NEFH: variants seen among roughly 807,000 people sequenced by gnomAD.
NEFH encodes the protein neurofilament heavy chain, also known as neurofilament heavy polypeptide.
In NEFH, 58 loss-of-function variants were observed where a neutral mutation model predicts 56.6. The ratio of observed to expected loss-of-function variants is 1.03; its 90% CI spans 0.83 to 1.28. The LOEUF (loss-of-function observed/expected upper bound fraction) is 1.28. NEFH is among the 50% of genes most tolerant of loss of function. The probability of loss-of-function intolerance (pLI) is 0.00; values close to 1 mark genes in which losing one functional copy is unlikely to be tolerated. For synonymous variants in NEFH, 542 were observed against 545.8 expected (o/e 0.99, Z 0.10); for missense variants, 1,221 against 1,307.6 (o/e 0.93, Z 1.02).
Position 29,489,031 on chromosome 22 carries a change from C to G in NEFH, c.1391C>G (p.Thr464Ser), listed in dbSNP as rs1284654807. 3 of 1,613,994 alleles carry G rather than the reference C, an allele frequency of 1.9e-6. No individual in the cohort carries two copies. The highest frequency in any genetic ancestry group is 2.5e-6 in the Non-Finnish European group (3 of 1,179,990). Residue 464 changes from threonine to serine, a missense_variant, in exon 4 of 4, where the codon ACC (threonine) becomes AGC (serine). By Grantham distance (58) the Thr-to-Ser change is moderately conservative. Coordinates refer to ENST00000310624, the MANE Select transcript of NEFH (RefSeq NM_021076.4). ...ATTGTGGAGGAACAGACAGAGGAGA[C>G]CCAAGTGACTGAAGAAGTGACTGAA... ...TVIVEEQTEE[T>S]QVTEEVTEEE...
At position 29,489,364 on chromosome 22, in the gene NEFH, C is replaced by T. The variant is rs2063063374; in HGVS notation, c.1724C>T (p.Pro575Leu). Residue 575 changes from proline to leucine, a missense_variant, in exon 4 of 4, where the codon CCA (proline) becomes CTA (leucine). Pro to Leu is a moderately conservative substitution (Grantham distance 98, BLOSUM62 -3). This residue lies in a region of NEFH where 243 missense variants were observed against 299.1 expected (regional missense o/e 0.81). Transcript: ENST00000310624. ...CCAGAGAAGGAGGAAGCAAAATCTC[C>T]AGCTGAGGTCAAGTCCCCCGAGAAG... ...KSPEKEEAKS[P>L]AEVKSPEKAK... is the part of the protein sequence containing the mutation. The T allele has an allele frequency of 6.2e-7, 1 of 1,610,834 alleles. No individual in the cohort carries two copies. The highest frequency in any genetic ancestry group is 1.4e-5 in the African/African-American group (1 of 73,962).
At chr22:29,485,035 T>C (rs952844057) in intron 2 of NEFH, among the ~76,000 whole-genome samples, 8 of 152,096 alleles carry the variant, frequency 5.3e-5, no homozygotes, top group African/African-American at 1.9e-4. Context: ...GAGGTCTCAC[T>C]GTGTTGCCCA....
intron 2 of NEFH, among the ~76,000 whole-genome samples, chr22:29,483,826 CT>C (rs2063027757): frequency 1.1e-5 from 1 of 94,544 alleles, no homozygotes; most frequent in Non-Finnish European, 2.0e-5. Context: ...AAGAGATAGA[CT>C]TTTATTTATT....
At chr22:29,484,178 T>C (rs778934270) in intron 2 of NEFH, among the ~76,000 whole-genome samples, 18 of 152,260 alleles carry the variant, frequency 1.2e-4, no homozygotes, top group Non-Finnish European at 2.2e-4. Context: ...ATGAGATTAG[T>C]GTGAACTTGT....
rs751816018 is a variant in NEFH, at chr22:29,489,213, A to G, written c.1573A>G (p.Lys525Glu). ...CAAGTCACCAGTAAAGGAAGAGGCA[A>G]AGTCACCGGCTGAGGCCAAGTCCCC... ...EAKSPVKEEA[K>E]SPAEAKSPEK... is the part of the protein sequence containing the mutation. The change falls in exon 4 of 4, where the codon AAG becomes GAG. Residue 525 changes from lysine to glutamate, a missense_variant. This residue lies in a region of NEFH where 243 missense variants were observed against 299.1 expected (regional missense o/e 0.81). Coordinates refer to ENST00000310624, the MANE Select transcript of NEFH (RefSeq NM_021076.4). The G allele has an allele frequency of 6.2e-7, 1 of 1,614,186 alleles. No homozygotes were observed. The highest frequency in any genetic ancestry group is 8.5e-7 in the Non-Finnish European group (1 of 1,180,016).
intron 2 of NEFH, 136 bp downstream of exon 2, chr22:29,483,710 G>A: frequency 1.4e-6 from 1 of 722,878 alleles, no homozygotes. Flanking sequence ...GCACTTTCCA[G>A]CTGTGTGACC....
At chr22:29,481,187 C>T in intron 1 of NEFH, 42 bp downstream of exon 1, 1 of 1,524,342 alleles carries the variant, frequency 6.6e-7, no homozygotes, top group Admixed American at 2.0e-5. Flanking sequence ...CCCCTGCTGA[C>T]CCCGCAGCGA....
At chr22:29,483,603 C>G (rs1357430644) in intron 2 of NEFH, 29 bp downstream of exon 2, 7 of 1,608,534 alleles carry the variant, frequency 4.4e-6, no homozygotes, top group Non-Finnish European at 4.2e-6. Context: ...GACAGCCAGA[C>G]TGCCTTACCT....
chr22:29,482,419 C>T (rs1357617185), intron 1 of NEFH, among the ~76,000 whole-genome samples: 2 of 152,216 alleles, frequency 1.3e-5, no homozygotes, highest in Non-Finnish European at 2.9e-5. Context: ...TCCACTGCCT[C>T]TGGAAGGTTT....
At position 29,488,927 on chromosome 22, in the gene NEFH, T is replaced by TC; in HGVS notation, c.1290dup (p.Ser431LeufsTer21). The TC allele has an allele frequency of 5.0e-6, 8 of 1,613,958 alleles. No individual in the cohort carries two copies. Among genetic ancestry groups the TC allele is most frequent in the Non-Finnish European group, 6.8e-6 (8 of 1,179,990 alleles). ...CGCTTCCAGAAGGACTCCCCAAAATTCCCTCTGTGTCCACTCACATAAAGG... is the reference window on the plus strand; with the variant it reads ...CGCTTCCAGAAGGACTCCCCAAAATTCCCCTCTGTGTCCACTCACATAAAGG... On this transcript the variant is annotated frameshift_variant, in exon 4 of 4. Coordinates refer to ENST00000310624, the MANE Select transcript of NEFH (RefSeq NM_021076.4). LOFTEE classifies it low-confidence loss of function (END_TRUNC).
chr22:29,481,590 ACT>A (rs887927038), intron 1 of NEFH, among the ~76,000 whole-genome samples: 12 of 151,628 alleles, frequency 7.9e-5, no homozygotes, highest in African/African-American at 2.9e-4. Context: ...CCCGCAAGAA[ACT>A]CTATTCCTCT....
At position 29,490,979 on chromosome 22, in the gene NEFH, C is replaced by T. The variant is rs2063078416; in HGVS notation, c.*276C>T. 4 of 549,668 alleles carry T rather than the reference C, an allele frequency of 7.3e-6. No homozygotes were observed. In the East Asian group the frequency reaches 1.4e-4, roughly 19 times the overall value. 34.0% of individuals were successfully genotyped at this position (549,668 alleles called of 1,614,324 possible). ...ATACATGCCGAATGCCACACGTAAA[C>T]ACTTGACTATAAAAACTGCCCCCCT... On this transcript the variant is annotated 3_prime_UTR_variant, in exon 4 of 4. Coordinates refer to ENST00000310624, the MANE Select transcript of NEFH (RefSeq NM_021076.4).
Position 29,483,571 on chromosome 22 carries a change from C to T in NEFH, c.1080C>T (p.Tyr360=). ...EDRHQADIAS[Y]QEAIQQLDAE... is the part of the protein sequence containing the mutation. ...GTCATCAGGCCGACATTGCCTCCTACCAGGTGGGCAGGGGCAAGGCAGACA... is the reference window on the plus strand; with the variant it reads ...GTCATCAGGCCGACATTGCCTCCTATCAGGTGGGCAGGGGCAAGGCAGACA... Residue 360 remains tyrosine (Y), a synonymous_variant, in exon 2 of 4, where the codon TAC becomes TAT. Coordinates refer to ENST00000310624, the MANE Select transcript of NEFH (RefSeq NM_021076.4). 1.2e-6 allele frequency: 2 copies of T among 1,613,604 alleles called. No homozygotes were observed. Among genetic ancestry groups the T allele is most frequent in the South Asian group, 1.1e-5 (1 of 91,086 alleles).
intron 1 of NEFH, 100 bp downstream of exon 1, chr22:29,481,245 A>G (rs2063007731): frequency 4.2e-6 from 5 of 1,188,052 alleles, no homozygotes; most frequent in Non-Finnish European, 5.9e-6. Flanking sequence ...CTGCGCGTGG[A>G]GTGGCGCGCT....
At chr22:29,482,206 C>T (rs1569195194) in intron 1 of NEFH, among the ~76,000 whole-genome samples, 1 of 152,188 alleles carries the variant, frequency 6.6e-6, no homozygotes, top group Non-Finnish European at 1.5e-5. Flanking sequence ...CAGAGCAGAA[C>T]CATCCCCTCC....
intron 3 of NEFH, 95 bp downstream of exon 3, chr22:29,485,942 CT>C (rs2063042114): frequency 2.9e-6 from 4 of 1,379,086 alleles, no homozygotes; most frequent in Non-Finnish European, 4.1e-6. Context: ...GGCAGCCTAC[CT>C]GTCTTAGGGA....
chr22:29,482,464 G>A (rs1025447189), intron 1 of NEFH, among the ~76,000 whole-genome samples: 2 of 152,188 alleles, frequency 1.3e-5, no homozygotes, highest in African/African-American at 2.4e-5. Flanking sequence ...GGCGGGGGCC[G>A]GGGTGTGGCT....
chr22:29,487,460 C>G, intron 3 of NEFH, among the ~76,000 whole-genome samples: 1 of 117,108 alleles, frequency 8.5e-6, no homozygotes, highest in African/African-American at 4.0e-5. Flanking sequence ...CCCATCTCTA[C>G]AAAAAATACA....
intron 2 of NEFH, among the ~76,000 whole-genome samples, chr22:29,485,160 T>C (rs2063036886): frequency 6.6e-6 from 1 of 152,038 alleles, no homozygotes; most frequent in Non-Finnish European, 1.5e-5. Context: ...TGGAGTACAG[T>C]GGTATGATCT....
Sources: gnomAD v4.1 joint callset for allele counts (sites outside exome capture counted in the v4.1 genomes callset) on GRCh38, gnomAD v4.1.1 for gene constraint, gnomAD v4.1.1 regional missense constraint, MANE v1.5 for transcripts, NCBI Gene and HGNC (gene_info 2026-07-23, HGNC 2026-07-21) for gene names.